POFUT4: variants seen among roughly 807,000 people sequenced by gnomAD.
POFUT4 encodes protein O-fucosyltransferase 4.
chr10:73,772,711 C>T, the POFUT4 span: 11 of 1,584,436 alleles, frequency 6.9e-6, no homozygotes, highest in Admixed American at 1.1e-4. Context: ...ACGGCACAGA[C>T]TTCCGCGCGT....
chr10:73,775,099 T>TA, the POFUT4 span: 13 of 296,442 alleles, frequency 4.4e-5, no homozygotes, highest in Middle Eastern at 1.9e-3. Flanking sequence ...AGAAAATAAA[T>TA]ATTCAGGTTA....
At chr10:73,776,272 G>C in the POFUT4 span, 3 of 151,888 alleles carry the variant, frequency 2.0e-5, no homozygotes, top group Non-Finnish European at 4.4e-5. Flanking sequence ...GTAGAGATGA[G>C]GTTTTGCCAC....
At chr10:73,778,215 C>T in the POFUT4 span, among the ~76,000 whole-genome samples, 1 of 149,694 alleles carries the variant, frequency 6.7e-6, no homozygotes, top group African/African-American at 2.4e-5. Context: ...GTTTAAGCCA[C>T]AAGTGGCTGG....
the POFUT4 span, chr10:73,780,033 CTA>C: frequency 6.6e-6 from 1 of 152,156 alleles, no homozygotes; most frequent in Non-Finnish European, 1.5e-5. Flanking sequence ...TTCACTTTCC[CTA>C]TAGAGAAAGC....
chr10:73,774,098 CAG>C, the POFUT4 span: 89 of 361,096 alleles, frequency 2.5e-4, no homozygotes, highest in African/African-American at 1.7e-3. Flanking sequence ...CCTGTGCAGA[CAG>C]GGGAGAGAGA....
chr10:73,773,526 A>G, the POFUT4 span: 4 of 1,614,118 alleles, frequency 2.5e-6, no homozygotes, highest in Non-Finnish European at 3.4e-6. Context: ...GGAGTATATG[A>G]AATACCTGGC....
chr10:73,772,770 A>T, the POFUT4 span: 3 of 1,608,882 alleles, frequency 1.9e-6, no homozygotes, highest in South Asian at 1.1e-5. Flanking sequence ...GCGCTCCTCC[A>T]CGAGGAGTCG....
At chr10:73,772,509 C>T in the POFUT4 span, 2 of 1,558,504 alleles carry the variant, frequency 1.3e-6, no homozygotes, top group Non-Finnish European at 1.7e-6. Flanking sequence ...GTGGGGGTGA[C>T]GCGCAGCTCT....
chr10:73,772,859 G>A, the POFUT4 span: 8 of 1,612,296 alleles, frequency 5.0e-6, no homozygotes, highest in South Asian at 8.8e-5. Context: ...TCGCCACTCG[G>A]ATTACCCGCT....
the POFUT4 span, among the ~76,000 whole-genome samples, chr10:73,778,003 C>A: frequency 6.6e-6 from 1 of 151,426 alleles, no homozygotes; most frequent in Admixed American, 6.6e-5. Context: ...GGATTACAGG[C>A]ACGCACTACC....
chr10:73,776,994 T>A, the POFUT4 span, among the ~76,000 whole-genome samples: 3 of 152,332 alleles, frequency 2.0e-5, no homozygotes, highest in East Asian at 5.8e-4. Flanking sequence ...TACATTTTTT[T>A]AATGGCCTTG....
chr10:73,775,649 C>T, the POFUT4 span: 1 of 1,614,204 alleles, frequency 6.2e-7, no homozygotes, highest in East Asian at 2.2e-5. Flanking sequence ...TTTGGGATTA[C>T]CTACATGAAA....
At chr10:73,772,282 C>A in the POFUT4 span, 1 of 1,362,380 alleles carries the variant, frequency 7.3e-7, no homozygotes, top group Non-Finnish European at 9.5e-7. Flanking sequence ...TCACGACTAT[C>A]CGCTGGGCGG....
chr10:73,773,108 CA>C, the POFUT4 span: 7 of 367,712 alleles, frequency 1.9e-5, no homozygotes, highest in Non-Finnish European at 3.0e-5. Context: ...TCCAGGTGTC[CA>C]GGACTCCAGG....
At chr10:73,772,844 T>C in the POFUT4 span, 2 of 1,612,204 alleles carry the variant, frequency 1.2e-6, no homozygotes, top group Non-Finnish European at 1.7e-6. Context: ...TACCTCCACC[T>C]TCAGTCGCCA....
At chr10:73,778,032 TG>T in the POFUT4 span, among the ~76,000 whole-genome samples, 1 of 151,092 alleles carries the variant, frequency 6.6e-6, no homozygotes, top group Non-Finnish European at 1.5e-5. Flanking sequence ...CTAATTTTTT[TG>T]TATTTGTTTT....
chr10:73,776,009 A>G, the POFUT4 span: 2 of 272,536 alleles, frequency 7.3e-6, no homozygotes, highest in African/African-American at 4.3e-5. Flanking sequence ...ACTGTACTTG[A>G]TTACCAGTGA....
At chr10:73,776,382 AATT>A in the POFUT4 span, among the ~76,000 whole-genome samples, 1 of 150,474 alleles carries the variant, frequency 6.6e-6, no homozygotes, top group South Asian at 2.1e-4. Context: ...ACCCAGCCCT[AATT>A]TTTTTTTTTT....
chr10:73,772,911 C>T, the POFUT4 span: 6 of 1,611,380 alleles, frequency 3.7e-6, no homozygotes, highest in Middle Eastern at 1.7e-4. Context: ...CTGCGCCGCC[C>T]GGTGCCTCCG....
Sources: allele counts gnomAD v4.1 joint callset (sites outside exome capture counted in the v4.1 genomes callset), GRCh38; gene constraint gnomAD v4.1.1; transcripts MANE v1.5; gene names NCBI Gene and HGNC (gene_info 2026-07-23, HGNC 2026-07-21).